The following EXOC6 variants were observed in gnomAD, a reference collection of about 807,000 sequenced individuals.
EXOC6 encodes exocyst complex component 6, also known as SEC15-like 1.
Under a neutral mutation model 112.5 loss-of-function variants are expected in EXOC6, and 60 were observed. The ratio of observed to expected loss-of-function variants is 0.53; its 90% CI spans 0.43 to 0.66. The LOEUF is 0.66. Among genes scored for constraint, EXOC6 ranks in the 30% least tolerant of loss-of-function variants. The pLI, the probability that EXOC6 is intolerant of heterozygous loss-of-function variation, is 0.00. For synonymous variants in EXOC6, 295 were observed against 308.0 expected (o/e 0.96, Z 0.44); for missense variants, 855 against 957.1 (o/e 0.89, Z 1.41).
chr10:92,945,820 C>T (rs934610746), intron 13 of EXOC6, among the ~76,000 whole-genome samples: 5 of 152,170 alleles, frequency 3.3e-5, no homozygotes. Flanking sequence ...GTGTGAGCCA[C>T]CTCATTTAGC....
intron 4 of EXOC6, among the ~76,000 whole-genome samples, chr10:92,897,314 C>G (rs1849879604): frequency 6.6e-6 from 1 of 152,198 alleles, no homozygotes; most frequent in Non-Finnish European, 1.5e-5. Flanking sequence ...CCAGAACTAC[C>G]TGCTTTCCTC....
At chr10:92,848,669 C>T (rs1321061344) in intron 1 of EXOC6, 35 bp downstream of exon 1, 7 of 1,304,960 alleles carry the variant, frequency 5.4e-6, no homozygotes, top group African/African-American at 1.6e-5. Context: ...TTCGGCCCCC[C>T]GCCCCACGCC....
At chr10:92,866,027 G>A (rs1238200171) in intron 1 of EXOC6, among the ~76,000 whole-genome samples, 2 of 152,002 alleles carry the variant, frequency 1.3e-5, no homozygotes, top group Non-Finnish European at 2.9e-5. Flanking sequence ...GGGTGGCAAA[G>A]GCAGAAGAAA....
intron 8 of EXOC6, 55 bp downstream of exon 8, chr10:92,920,105 T>G: frequency 8.7e-7 from 1 of 1,145,476 alleles, no homozygotes; most frequent in Non-Finnish European, 1.2e-6. Flanking sequence ...AAAAGGCATG[T>G]ATGTATTTTA....
chr10:92,993,915 A>G (rs1358644373), intron 18 of EXOC6, among the ~76,000 whole-genome samples: 5 of 152,198 alleles, frequency 3.3e-5, no homozygotes, highest in African/African-American at 1.2e-4. Context: ...GTGTCAATCA[A>G]GGTCTCACAT....
At chr10:92,904,034 A>G (rs914043770) in intron 5 of EXOC6, among the ~76,000 whole-genome samples, 3 of 151,956 alleles carry the variant, frequency 2.0e-5, no homozygotes, top group Non-Finnish European at 4.4e-5. Flanking sequence ...CCAGAATGTC[A>G]GATAGTTGAA....
intron 1 of EXOC6, among the ~76,000 whole-genome samples, chr10:92,838,148 C>T (rs2490739): frequency 0.7 from 105,760 of 152,062 alleles, 37,522 homozygotes; most frequent in Middle Eastern, 0.74. Flanking sequence ...CTGAACGGCA[C>T]TTCTTTTGCA....
intron 20 of EXOC6, among the ~76,000 whole-genome samples, chr10:93,017,061 T>G (rs1844559779): frequency 6.6e-6 from 1 of 151,768 alleles, no homozygotes; most frequent in Non-Finnish European, 1.5e-5. Context: ...GGTGATTCAC[T>G]TGCCTTGGCC....
At chr10:92,999,998 C>A (rs952240351) in intron 19 of EXOC6, among the ~76,000 whole-genome samples, 3 of 152,172 alleles carry the variant, frequency 2.0e-5, no homozygotes, top group Non-Finnish European at 4.4e-5. Context: ...ACCACCGTGC[C>A]TAGCCCTGTG....
At chr10:92,967,249 T>C (rs1268749056) in intron 17 of EXOC6, among the ~76,000 whole-genome samples, 1 of 152,182 alleles carries the variant, frequency 6.6e-6, no homozygotes. Flanking sequence ...GCCTGTTCAC[T>C]CTGAAGGTAG....
chr10:92,895,920 C>CTTA (rs1480870138), intron 4 of EXOC6, among the ~76,000 whole-genome samples: 2 of 127,160 alleles, frequency 1.6e-5, no homozygotes, highest in African/African-American at 5.9e-5. Context: ...CATTTTTAAA[C>CTTA]TTATTATTTT....
chr10:93,035,547 A>G (rs1043455924), intron 20 of EXOC6, among the ~76,000 whole-genome samples: 3 of 152,192 alleles, frequency 2.0e-5, no homozygotes, highest in Admixed American at 2.0e-4. Flanking sequence ...ACATAGCTAT[A>G]GTATTTGTCG....
rs922626896 is a variant in EXOC6, at chr10:92,968,394, C to A, written c.1774-5659C>A. On this transcript the variant is annotated intron_variant, in intron 17 of 21. Coordinates refer to ENST00000260762, the MANE Select transcript of EXOC6 (RefSeq NM_019053.6). ...AGAGACAGAGTCTCACTATGTTGCC[C>A]AGGCAGTTATTTAACTCCTGGCCTC... Among the ~76,000 whole-genome samples, 11 of 152,072 alleles carry A rather than the reference C, an allele frequency of 7.2e-5. 1 individual carries two copies. The highest frequency in any genetic ancestry group is 1.3e-4 in the Non-Finnish European group (9 of 68,010).
chr10:92,944,322 C>T (rs975953381), intron 13 of EXOC6, among the ~76,000 whole-genome samples: 7 of 151,970 alleles, frequency 4.6e-5, no homozygotes, highest in Non-Finnish European at 8.8e-5. Context: ...TGGCAACCTT[C>T]GCCTCCCAAG....
rs199577434 is a variant in EXOC6, at chr10:92,915,671, T to TAA, written c.664-79_664-78dup. 6.5e-6 allele frequency: 6 copies of TAA among 923,646 alleles called. No homozygotes were observed. The Admixed American group carries it at 1.6e-4, about 25-fold the overall frequency. The allele number at this position is 923,646 out of a possible 1,614,324, so 57.2% of individuals were successfully genotyped here. On this transcript the variant is annotated intron_variant, in intron 6 of 21. Coordinates refer to ENST00000260762, the MANE Select transcript of EXOC6 (RefSeq NM_019053.6). The stretch of plus-strand genomic sequence containing the variant: ...TCTATACCTACAGACATTAAAAAGA[T>TAA]AAAAAAAAACTATGAACAAATTTTT...
chr10:92,845,941 A>G (rs1227842278), upstream of EXOC6, among the ~76,000 whole-genome samples: 2 of 152,242 alleles, frequency 1.3e-5, no homozygotes, highest in Non-Finnish European at 1.5e-5. Flanking sequence ...TCTGTCTCGA[A>G]AAAACCAACC....
At chr10:92,832,755 C>T (rs570875220), upstream of EXOC6, among the ~76,000 whole-genome samples, 191 of 151,912 alleles carry the variant, frequency 1.3e-3, no homozygotes, top group African/African-American at 4.2e-3. Flanking sequence ...CTCTACCTCC[C>T]GGGCTCAAGT....
rs115223620 is a variant in EXOC6 at position 93,010,696 on chromosome 10, C to G, written c.2096-3498C>G. On this transcript the variant is annotated intron_variant, in intron 19 of 21. Coordinates refer to ENST00000260762, the MANE Select transcript of EXOC6 (RefSeq NM_019053.6). ...CCTGGATGACAAAGCAAGACTCCAT[C>G]TCTTAAAAAAAAAAAAAAAAAAATG... is the stretch of plus-strand genomic sequence containing the variant. 7.1e-3 allele frequency among the ~76,000 whole-genome samples: 906 copies of G among 127,694 alleles called. 8 individuals carry two copies. Among genetic ancestry groups the G allele is most frequent in the African/African-American group, 0.026 (856 of 32,354 alleles). 83.8% of individuals were successfully genotyped at this position (127,694 alleles called of 152,430 possible). A position where few individuals can be genotyped will look rare whatever the true frequency, so the allele number is the denominator to read the frequency against.
intron 1 of EXOC6, among the ~76,000 whole-genome samples, chr10:92,886,220 T>C (rs1849207327): frequency 6.6e-6 from 1 of 152,198 alleles, no homozygotes. Context: ...CAAATCAGAA[T>C]TTCAAAGAAT....
Sources: allele counts gnomAD v4.1 joint callset (sites outside exome capture counted in the v4.1 genomes callset), GRCh38; gene constraint gnomAD v4.1.1; transcripts MANE v1.5; gene names NCBI Gene and HGNC (gene_info 2026-07-23, HGNC 2026-07-21).